The following CD44 variants were observed in gnomAD, a reference collection of about 807,000 sequenced individuals.
CD44 encodes CD44 molecule (IN blood group), also known as CD44 antigen.
CD44 carries 49 observed loss-of-function variants against 88.8 expected under a neutral mutation model. That is an observed-to-expected ratio of 0.55 (90% CI 0.44 to 0.70). CD44 has a LOEUF of 0.70. Ranked by LOEUF, CD44 falls within the 30% of genes least tolerant of loss-of-function variation. The probability of loss-of-function intolerance (pLI) is 0.00; values close to 1 mark genes in which losing one functional copy is unlikely to be tolerated. For missense variants in CD44, 883 were observed against 913.8 expected, an observed-to-expected ratio of 0.97 and a Z score of 0.43; for synonymous variants, 325 against 312.3, an observed-to-expected ratio of 1.04 and a Z score of -0.43.
intron 3 of CD44, among the ~76,000 whole-genome samples, chr11:35,181,894 A>AATATAT (rs1200794424): frequency 1.4e-5 from 1 of 72,024 alleles, no homozygotes; most frequent in Non-Finnish European, 2.5e-5. Flanking sequence ...TTCTATATAT[A>AATATAT]ATATAATATA....
At chr11:35,145,546 G>T (rs983943862) in intron 1 of CD44, among the ~76,000 whole-genome samples, 2 of 152,046 alleles carry the variant, frequency 1.3e-5, no homozygotes, top group Non-Finnish European at 2.9e-5. Context: ...CTAAAGACAG[G>T]GTTACTAGAT....
At chr11:35,181,783 T>C (rs1945040834) in intron 3 of CD44, among the ~76,000 whole-genome samples, 1 of 100,962 alleles carries the variant, frequency 9.9e-6, no homozygotes, top group African/African-American at 4.1e-5. Flanking sequence ...TATTTATTTA[T>C]ATAAATTTAT....
chr11:35,172,949 T>C (rs1565060439), intron 1 of CD44, among the ~76,000 whole-genome samples: 1 of 152,248 alleles, frequency 6.6e-6, no homozygotes, highest in Non-Finnish European at 1.5e-5. Context: ...ACACAATGGA[T>C]GCATGTATTG....
At chr11:35,181,307 T>C (rs1198496265) in intron 3 of CD44, among the ~76,000 whole-genome samples, 1 of 152,170 alleles carries the variant, frequency 6.6e-6, no homozygotes, top group Non-Finnish European at 1.5e-5. Context: ...AGCCTTTCTC[T>C]ATGTCTTTGT....
At chr11:35,205,746 T>C in intron 10 of CD44, 1 of 979,668 alleles carries the variant, frequency 1.0e-6, no homozygotes, top group Non-Finnish European at 1.2e-6. Flanking sequence ...TGTCTCAGAA[T>C]AACATCATGC....
rs1857435932 is a variant in CD44, at chr11:35,139,390, T to C, written c.67+20T>C. 1.3e-6 allele frequency: 2 copies of C among 1,554,276 alleles called. No homozygotes were observed. The highest frequency in any genetic ancestry group is 4.8e-5 in the East Asian group (2 of 41,552). On this transcript the variant is annotated intron_variant, in intron 1 of 17. Transcript: ENST00000428726. ...AGATCGGTGAGTGCCCGCCGCAGCC[T>C]GGGCAGCAAGATGGGTGCGGGGTGC...
chr11:35,221,540 C>T, intron 16 of CD44, 114 bp from the exon 17 acceptor site: 1 of 862,682 alleles, frequency 1.2e-6, no homozygotes, highest in Non-Finnish European at 2.0e-6. Context: ...GCCAGACCCC[C>T]CTGCAGCGCT....
At chr11:35,214,802 G>A in intron 14 of CD44, 50 bp from the exon 15 acceptor site, 1 of 1,005,670 alleles carries the variant, frequency 9.9e-7, no homozygotes, top group Non-Finnish European at 1.4e-6. Context: ...ATGCAGATGG[G>A]AGTGTAAGTG....
At chr11:35,159,038 TC>T (rs1330382482) in intron 1 of CD44, among the ~76,000 whole-genome samples, 1 of 152,204 alleles carries the variant, frequency 6.6e-6, no homozygotes, top group Non-Finnish European at 1.5e-5. Flanking sequence ...AGTGCTGTTC[TC>T]TGAGGCCAGA....
rs115151051 is a variant in CD44 at position 35,221,619 on chromosome 11, A to T, written c.1946-35A>T. On this transcript the variant is annotated intron_variant, in intron 16 of 17. Coordinates refer to ENST00000428726, the MANE Select transcript of CD44 (RefSeq NM_000610.4). ...TTTGTTTTTACAAAGTGTGTCTCTG[A>T]AGCTCACGCATGTCATTTAATTTAC... 3.8e-4 allele frequency: 599 copies of T among 1,565,258 alleles called. 1 individual carries two copies. The African/African-American group carries it at 7.2e-3, about 19-fold the overall frequency.
intron 1 of CD44, among the ~76,000 whole-genome samples, chr11:35,164,100 G>C (rs890240057): frequency 4.6e-5 from 7 of 152,078 alleles, no homozygotes; most frequent in African/African-American, 1.7e-4. Flanking sequence ...GGGCTCAGCA[G>C]TAGAAGCTGC....
Position 35,211,386 on chromosome 11 carries a change from T to C in CD44, c.1747T>C (p.Ser583Pro). ...FIPVTSAKTG[S>P]FGVTAVTVGD... The stretch of plus-strand genomic sequence containing the variant: ...CCCAGTGACCTCAGCTAAGACTGGG[T>C]CCTTTGGAGTTACTGCAGTTACTGT... Residue 583 changes from serine (S) to proline (P), a missense_variant, in exon 14 of 18, where the codon TCC (serine) becomes CCC (proline). Physicochemically the swap from Ser to Pro is moderately conservative, Grantham distance 74. Transcript: ENST00000428726. 1 of 1,613,950 alleles carries C rather than the reference T, an allele frequency of 6.2e-7. No homozygotes were observed. The highest frequency in any genetic ancestry group is 8.5e-7 in the Non-Finnish European group (1 of 1,179,884).
rs1950004012 is a variant in CD44, at chr11:35,230,395, A to G, written c.*1062A>G. ...CCTGTTATCCCTGGGGCCCTATTTC[A>G]TAGAGGCTGGCCCTATTAGTGATTT... On this transcript the variant is annotated 3_prime_UTR_variant, in exon 18 of 18. Transcript: ENST00000428726. 2 of 152,130 alleles carry G rather than the reference A, an allele frequency of 1.3e-5. No homozygotes were observed. Among genetic ancestry groups the G allele is most frequent in the African/African-American group, 2.4e-5 (1 of 41,416 alleles). 9.4% of individuals were successfully genotyped at this position (152,130 alleles called of 1,614,324 possible).
Position 35,229,299 on chromosome 11 carries a change from AC to A in CD44, c.2197del (p.Leu733CysfsTer6). 6.2e-7 allele frequency: 1 copy of A among 1,613,684 alleles called. No homozygotes were observed. The highest frequency in any genetic ancestry group is 8.5e-7 in the Non-Finnish European group (1 of 1,179,634). On this transcript the variant is annotated frameshift_variant, in exon 18 of 18. Coordinates refer to ENST00000428726, the MANE Select transcript of CD44 (RefSeq NM_000610.4). LOFTEE classifies it high-confidence loss of function. The part of the protein sequence containing the change: ...DQFMTADETR[N>X]LQNVDMKIGV ...TTTATGACAGCTGATGAGACAAGGA[AC>A]CTGCAGAATGTGGACATGAAGATTG...
rs2132891671 is a variant in CD44 at position 35,139,324 on chromosome 11, C to A, written c.21C>A (p.His7Gln). 1 of 1,562,162 alleles carries A rather than the reference C, an allele frequency of 6.4e-7. No homozygotes were observed. Among genetic ancestry groups the A allele is most frequent in the Non-Finnish European group, 8.7e-7 (1 of 1,152,768 alleles). Residue 7 changes from histidine to glutamine, a missense_variant, in exon 1 of 18, where the codon CAC (histidine) becomes CAA (glutamine). Around this residue, in one of 2 missense-constraint regions of CD44, gnomAD observed 252 missense variants for 322.9 expected, o/e 0.78. Transcript: ENST00000428726. MDKFWW[H>Q]AAWGLCLVPL... ...ACACCATGGACAAGTTTTGGTGGCA[C>A]GCAGCCTGGGGACTCTGCCTCGTGC...
chr11:35,195,086 C>T (rs1459840878), intron 5 of CD44, among the ~76,000 whole-genome samples: 1 of 152,212 alleles, frequency 6.6e-6, no homozygotes, highest in East Asian at 1.9e-4. Flanking sequence ...AACCAGCTCC[C>T]TGGGTGTGTG....
chr11:35,193,208 G>T (rs1205047460), intron 5 of CD44, among the ~76,000 whole-genome samples: 1 of 152,022 alleles, frequency 6.6e-6, no homozygotes, highest in Non-Finnish European at 1.5e-5. Context: ...ATTGTCCTGG[G>T]CCACACATAA....
At chr11:35,203,321 A>G (rs1015935361) in intron 9 of CD44, among the ~76,000 whole-genome samples, 1 of 152,146 alleles carries the variant, frequency 6.6e-6, no homozygotes, top group Non-Finnish European at 1.5e-5. Context: ...TGTTCTATAC[A>G]GTCACACACA....
At chr11:35,143,490 G>A (rs1299607725) in intron 1 of CD44, among the ~76,000 whole-genome samples, 2 of 151,994 alleles carry the variant, frequency 1.3e-5, no homozygotes, top group South Asian at 2.1e-4. Flanking sequence ...TTGTGGAGAT[G>A]GCATGACTTG....
Sources: gnomAD v4.1 joint callset for allele counts (sites outside exome capture counted in the v4.1 genomes callset) on GRCh38, gnomAD v4.1.1 for gene constraint, gnomAD v4.1.1 regional missense constraint, MANE v1.5 for transcripts, NCBI Gene and HGNC (gene_info 2026-07-23, HGNC 2026-07-21) for gene names.